KLRC2: variants seen among roughly 807,000 people sequenced by gnomAD.
KLRC2 encodes the protein killer cell lectin like receptor C2, also known as NKG2-C type II integral membrane protein.
KLRC2 carries 10 observed loss-of-function variants against 25.5 expected under a neutral mutation model. The ratio of observed to expected loss-of-function variants is 0.39; its 90% CI spans 0.24 to 0.67. KLRC2 has a LOEUF of 0.67. KLRC2 is among the 30% of genes least tolerant of loss of function. The pLI is 0.45. For synonymous variants in KLRC2, 48 were observed against 93.3 expected, an observed-to-expected ratio of 0.51 and a Z score of 2.80; for missense variants, 170 against 272.8, an observed-to-expected ratio of 0.62 and a Z score of 2.65.
intron 5 of KLRC2, 143 bp from the exon 6 acceptor site, chr12:10,431,371 T>C (rs532107139): frequency 1.0e-6 from 1 of 1,004,890 alleles, no homozygotes; most frequent in South Asian, 1.4e-5. Flanking sequence ...GTCATTATTC[T>C]GAACACTCAA....
chr12:10,434,673 T>G (rs4525323), intron 2 of KLRC2, 143 bp from the exon 3 acceptor site: 29 of 495,596 alleles, frequency 5.9e-5, no homozygotes, highest in African/African-American at 5.8e-4. Context: ...TATAAAAATA[T>G]ATAAAGTAAT....
In KLRC2 at chr12:10,430,917, T is replaced by C; in HGVS notation, c.*200A>G. The C allele has an allele frequency of 8.9e-7, 1 of 1,129,374 alleles. No homozygotes were observed. Among genetic ancestry groups the C allele is most frequent in the Non-Finnish European group, 1.1e-6 (1 of 870,544 alleles). 70.0% of individuals were successfully genotyped at this position (1,129,374 alleles called of 1,614,324 possible). A position where few individuals can be genotyped will look rare whatever the true frequency, so the allele number is the denominator to read the frequency against. ...GAAAGGCTGAAAACCACAAATACCATGTTGAGCAAAATGAGCCCGACACAA... is the reference window on the plus strand; with the variant it reads ...GAAAGGCTGAAAACCACAAATACCACGTTGAGCAAAATGAGCCCGACACAA... On this transcript the variant is annotated 3_prime_UTR_variant, in exon 6 of 6. Transcript: ENST00000381902.
chr12:10,433,893 A>G lies in KLRC2; in HGVS notation c.381T>C (p.Ser127=), dbSNP rs749675816. 1.1e-5 allele frequency: 17 copies of G among 1,550,762 alleles called. 1 individual carries two copies. The highest frequency in any genetic ancestry group is 1.7e-4 in the Middle Eastern group (1 of 5,826). The part of the protein sequence containing the change: ...CPEEWITYSN[S]CYYIGKERRT... ...TTCTTTCCTTACCAATGTAATAACAACTGTTGGAATATGTAATCCACTCCT... is the reference window on the plus strand; with the variant it reads ...TTCTTTCCTTACCAATGTAATAACAGCTGTTGGAATATGTAATCCACTCCT... Residue 127 remains serine, a synonymous_variant, in exon 4 of 6, where the codon AGT becomes AGC. Transcript: ENST00000381902.
rs1271881546 is a variant in KLRC2, at chr12:10,431,008, G to C, written c.*109C>G. 14 of 1,155,884 alleles carry C rather than the reference G, an allele frequency of 1.2e-5. No homozygotes were observed. Among genetic ancestry groups the C allele is most frequent in the Non-Finnish European group, 1.6e-5 (14 of 856,696 alleles). The allele number at this position is 1,155,884 out of a possible 1,614,324, so 71.6% of individuals were successfully genotyped here. A position where few individuals can be genotyped will look rare whatever the true frequency, so the allele number is the denominator to read the frequency against. The stretch of plus-strand genomic sequence containing the variant: ...TTTCAATAATTGATTTAGAATTTTT[G>C]TATCAGAGCAAATAACATAATTCAT... On this transcript the variant is annotated 3_prime_UTR_variant, in exon 6 of 6. Transcript: ENST00000381902.
At position 10,435,783 on chromosome 12, in the gene KLRC2, T is replaced by C. The variant is rs1414168861; in HGVS notation, c.187+17A>G. On this transcript the variant is annotated intron_variant, in intron 1 of 5. Coordinates refer to ENST00000381902, the MANE Select transcript of KLRC2 (RefSeq NM_002260.4). ...CATCCTAGAACAATAATATTGAAGA[T>C]ATATTTAATGTTTTACCTTGGCAGT... 6.5e-7 allele frequency: 1 copy of C among 1,539,972 alleles called. No homozygotes were observed. Among genetic ancestry groups the C allele is most frequent in the Non-Finnish European group, 8.9e-7 (1 of 1,127,330 alleles).
chr12:10,431,007 T>G lies in KLRC2; in HGVS notation c.*110A>C. ...ATTTCAATAATTGATTTAGAATTTT[T>G]GTATCAGAGCAAATAACATAATTCA... On this transcript the variant is annotated 3_prime_UTR_variant, in exon 6 of 6. Transcript: ENST00000381902. The G allele has an allele frequency of 8.6e-7, 1 of 1,158,882 alleles. No individual in the cohort carries two copies. The highest frequency in any genetic ancestry group is 1.7e-5 in the South Asian group (1 of 59,532). 71.8% of individuals were successfully genotyped at this position (1,158,882 alleles called of 1,614,324 possible).
intron 2 of KLRC2, chr12:10,434,977 T>G: frequency 1.2e-6 from 1 of 855,284 alleles, no homozygotes; most frequent in Non-Finnish European, 1.7e-6. Context: ...TATCAGAACT[T>G]TGAAAATAAA....
At chr12:10,433,757 T>C in intron 4 of KLRC2, 34 bp downstream of exon 4, 1 of 1,534,616 alleles carries the variant, frequency 6.5e-7, no homozygotes, top group Non-Finnish European at 8.9e-7. Flanking sequence ...TGAAGGAAGC[T>C]TTTCATAAAA....
At position 10,433,260 on chromosome 12, in the gene KLRC2, G is replaced by A. The variant is rs190984430; in HGVS notation, c.483+531C>T. 1.1e-4 allele frequency among the ~76,000 whole-genome samples: 16 copies of A among 141,882 alleles called. 4 individuals are homozygous for A. Among genetic ancestry groups the A allele is most frequent in the Admixed American group, 9.7e-4 (14 of 14,498 alleles). 93.1% of individuals were successfully genotyped at this position (141,882 alleles called of 152,430 possible). A position where few individuals can be genotyped will look rare whatever the true frequency, so the allele number is the denominator to read the frequency against. ...ATACTACTGATAACTGCAATAATAT[G>A]GAGGAATTGCACAAATATCAGATAG... On this transcript the variant is annotated intron_variant, in intron 4 of 5. Transcript: ENST00000381902.
chr12:10,435,545 A>G, intron 1 of KLRC2, 135 bp from the exon 2 acceptor site: 1 of 1,410,102 alleles, frequency 7.1e-7, no homozygotes, highest in Non-Finnish European at 9.8e-7. Flanking sequence ...CTAAATCTAC[A>G]TCTACTCTAG....
chr12:10,432,066 T>C (rs1486693324), intron 5 of KLRC2, 40 bp downstream of exon 5: 5 of 1,333,510 alleles, frequency 3.7e-6, no homozygotes, highest in Non-Finnish European at 5.2e-6. Context: ...ATTTATCCTT[T>C]ATATATATTT....
At position 10,433,576 on chromosome 12, in the gene KLRC2, T is replaced by C. The variant is rs1434860830; in HGVS notation, c.483+215A>G. On this transcript the variant is annotated intron_variant, in intron 4 of 5. Transcript: ENST00000381902. ...ATTTATTGTGGATTCAAAGCACTTATAGAAGCATGGTTTTCCTTGAAAAAC... is the reference window on the plus strand; with the variant it reads ...ATTTATTGTGGATTCAAAGCACTTACAGAAGCATGGTTTTCCTTGAAAAAC... Among the ~76,000 whole-genome samples, 3 of 142,342 alleles carry C rather than the reference T, an allele frequency of 2.1e-5. 1 individual carries two copies. Among genetic ancestry groups the C allele is most frequent in the African/African-American group, 5.4e-5 (2 of 37,272 alleles). The allele number at this position is 142,342 out of a possible 152,430, so 93.4% of individuals were successfully genotyped here. A position where few individuals can be genotyped will look rare whatever the true frequency, so the allele number is the denominator to read the frequency against.
chr12:10,431,914 G>T lies in KLRC2; in HGVS notation c.584+192C>A, dbSNP rs181644316. Among the ~76,000 whole-genome samples the T allele has an allele frequency of 5.0e-4, 70 of 141,034 alleles. 10 individuals carry two copies. The highest frequency in any genetic ancestry group is 9.0e-4 in the Admixed American group (13 of 14,394). The allele number at this position is 141,034 out of a possible 152,430, so 92.5% of individuals were successfully genotyped here. On this transcript the variant is annotated intron_variant, in intron 5 of 5. Transcript: ENST00000381902. ...CCTGGTCCATCTGATAACCAAGAAG[G>T]TTACTAGCAGACCAATGAGCGGTTG...
Position 10,433,385 on chromosome 12 carries a change from G to A in KLRC2, c.483+406C>T, listed in dbSNP as rs1357988594. Among the ~76,000 whole-genome samples the A allele has an allele frequency of 2.8e-5, 4 of 141,760 alleles. 1 individual carries two copies. Among genetic ancestry groups the A allele is most frequent in the African/African-American group, 8.1e-5 (3 of 37,000 alleles). The allele number at this position is 141,760 out of a possible 152,430, so 93.0% of individuals were successfully genotyped here. A position where few individuals can be genotyped will look rare whatever the true frequency, so the allele number is the denominator to read the frequency against. On this transcript the variant is annotated intron_variant, in intron 4 of 5. Coordinates refer to ENST00000381902, the MANE Select transcript of KLRC2 (RefSeq NM_002260.4). ...TTATAATATTAAAAGTCAAGACTGCGTTTTGGAGAGGAGTCAGGATAAGTG... is the reference window on the plus strand; with the variant it reads ...TTATAATATTAAAAGTCAAGACTGCATTTTGGAGAGGAGTCAGGATAAGTG...
At chr12:10,434,191 T>C in intron 3 of KLRC2, 1 of 662,380 alleles carries the variant, frequency 1.5e-6, no homozygotes, top group Non-Finnish European at 2.6e-6. Context: ...ACACATGTGT[T>C]GAACATCGCT....
intron 4 of KLRC2, among the ~76,000 whole-genome samples, chr12:10,433,461 A>G (rs1461602421): frequency 2.1e-5 from 3 of 142,180 alleles, no homozygotes; most frequent in Non-Finnish European, 3.1e-5. Flanking sequence ...CTTTTATTTC[A>G]TGATCTGACT....
In KLRC2 at chr12:10,433,669, A is replaced by C; in HGVS notation, c.483+122T>G. The C allele has an allele frequency of 6.6e-6, 7 of 1,067,244 alleles. 2 individuals carry two copies. In the Admixed American group the frequency reaches 1.7e-4, roughly 26 times the overall value. 66.1% of individuals were successfully genotyped at this position (1,067,244 alleles called of 1,614,324 possible). ...AAACATTATTAAGTCAATCAATTGA[A>C]TATTACATACACTTGAAAATATATG... On this transcript the variant is annotated intron_variant, in intron 4 of 5. Coordinates refer to ENST00000381902, the MANE Select transcript of KLRC2 (RefSeq NM_002260.4).
chr12:10,433,916 C>A lies in KLRC2; in HGVS notation c.358G>T (p.Glu120Ter). 2.6e-6 allele frequency: 4 copies of A among 1,549,700 alleles called. No homozygotes were observed. Among genetic ancestry groups the A allele is most frequent in the Non-Finnish European group, 3.5e-6 (4 of 1,135,838 alleles). ...KARHCGHCPE[E>*]WITYSNSCYY... ...CAACTGTTGGAATATGTAATCCACT[C>A]CTCAGGACAATGGCCACAATGACGT... Residue 120 changes from glutamate to a stop codon, truncating the protein, a stop_gained, in exon 4 of 6, where the codon GAG becomes TAG. Coordinates refer to ENST00000381902, the MANE Select transcript of KLRC2 (RefSeq NM_002260.4). LOFTEE classifies it high-confidence loss of function.
In KLRC2 at chr12:10,432,321, A is replaced by C. The variant is rs1037203388; in HGVS notation, c.484-115T>G. On this transcript the variant is annotated intron_variant, in intron 4 of 5. Coordinates refer to ENST00000381902, the MANE Select transcript of KLRC2 (RefSeq NM_002260.4). ...TGCCAAAAACTTTCATAAATGTTTG[A>C]ATTTTTTATTTAAATGAACTCTTCA... The C allele has an allele frequency of 6.6e-6, 4 of 606,636 alleles. 1 individual carries two copies. The highest frequency in any genetic ancestry group is 1.0e-5 in the Non-Finnish European group (4 of 384,782). 37.6% of individuals were successfully genotyped at this position (606,636 alleles called of 1,614,324 possible).
Sources: gnomAD v4.1 joint callset for allele counts (sites outside exome capture counted in the v4.1 genomes callset) on GRCh38, gnomAD v4.1.1 for gene constraint, MANE v1.5 for transcripts, NCBI Gene and HGNC (gene_info 2026-07-23, HGNC 2026-07-21) for gene names.